The following FNIP2 variants were observed in gnomAD, a reference collection of about 807,000 sequenced individuals.
The protein encoded by FNIP2 is folliculin interacting protein 2.
In FNIP2, 32 loss-of-function variants were observed where a neutral mutation model predicts 108.7. The observed-to-expected ratio is 0.29, with a 90% CI of 0.22 to 0.40. FNIP2 has a LOEUF of 0.40. Among genes scored for constraint, FNIP2 ranks in the 10% least tolerant of loss-of-function variants. The pLI is 1.00. For synonymous variants in FNIP2, 480 were observed against 496.7 expected (o/e 0.97, Z 0.45); for missense variants, 1,202 against 1,381.6 (o/e 0.87, Z 2.06).
chr4:158,815,476 G>A lies in FNIP2; in HGVS notation c.108-10440G>A, dbSNP rs577846468. On this transcript the variant is annotated intron_variant, in intron 1 of 16. Transcript: ENST00000264433. Reference sequence around the variant, plus strand: ...CCGCTCACTGCAAGCTCCGCCTCTCGGGTTCACGCCGTTCTCCTGTCTCAG... The same window carrying A: ...CCGCTCACTGCAAGCTCCGCCTCTCAGGTTCACGCCGTTCTCCTGTCTCAG... Among the ~76,000 whole-genome samples, 7 of 150,234 alleles carry A rather than the reference G, an allele frequency of 4.7e-5. No individual in the cohort carries two copies. In the East Asian group the frequency reaches 1.4e-3, roughly 29 times the overall value.
At chr4:158,807,632 GA>G (rs1191963908) in intron 1 of FNIP2, among the ~76,000 whole-genome samples, 1 of 151,862 alleles carries the variant, frequency 6.6e-6, no homozygotes. Flanking sequence ...AAATAATCAG[GA>G]TATAGTTTTT....
intron 8 of FNIP2, among the ~76,000 whole-genome samples, chr4:158,853,651 T>G (rs1418457189): frequency 4.6e-5 from 7 of 152,348 alleles, no homozygotes; most frequent in Non-Finnish European, 8.8e-5. Flanking sequence ...CTTGCGATAG[T>G]TTGCTCAGAA....
At chr4:158,787,962 A>C (rs1776275636) in intron 1 of FNIP2, among the ~76,000 whole-genome samples, 1 of 152,110 alleles carries the variant, frequency 6.6e-6, no homozygotes, top group Non-Finnish European at 1.5e-5. Flanking sequence ...TTCCTCCTTT[A>C]ACCTGACTCA....
intron 11 of FNIP2, 26 bp downstream of exon 11, chr4:158,861,514 G>A: frequency 6.2e-7 from 1 of 1,613,766 alleles, no homozygotes; most frequent in Non-Finnish European, 8.5e-7. Context: ...CTGGAGACTT[G>A]TATGCAAATC....
chr4:158,836,837 A>G (rs1009633351), intron 7 of FNIP2, among the ~76,000 whole-genome samples: 29 of 148,974 alleles, frequency 1.9e-4, no homozygotes, highest in African/African-American at 5.8e-4. Flanking sequence ...AAAAAAAAAA[A>G]AGAGACTCAT....
chr4:158,896,851 T>A (rs115508360), intron 16 of FNIP2, among the ~76,000 whole-genome samples: 1,555 of 139,080 alleles, frequency 0.011, 23 homozygotes, highest in African/African-American at 0.037. Flanking sequence ...GTTTTTTTTT[T>A]ATTATTATTA....
At chr4:158,892,890 T>C (rs1347287753) in intron 15 of FNIP2, among the ~76,000 whole-genome samples, 1 of 152,232 alleles carries the variant, frequency 6.6e-6, no homozygotes, top group Non-Finnish European at 1.5e-5. Context: ...GCTAATGTAA[T>C]GGTCATTGTC....
intron 1 of FNIP2, among the ~76,000 whole-genome samples, chr4:158,778,673 C>T (rs546522223): frequency 3.0e-4 from 45 of 152,238 alleles, no homozygotes; most frequent in Middle Eastern, 3.4e-3. Context: ...ATAAATTAAA[C>T]TTTATCATAG....
chr4:158,785,679 AG>A (rs1776202389), intron 1 of FNIP2, among the ~76,000 whole-genome samples: 1 of 148,482 alleles, frequency 6.7e-6, no homozygotes, highest in Admixed American at 6.7e-5. Context: ...TTCCAGTTAC[AG>A]GGTTCTTTCT....
chr4:158,883,994 G>A (rs1422975656), intron 14 of FNIP2, among the ~76,000 whole-genome samples: 1 of 136,846 alleles, frequency 7.3e-6, no homozygotes, highest in Admixed American at 8.2e-5. Flanking sequence ...TATCTGTAGA[G>A]CAGTACTGTG....
At chr4:158,780,806 G>T (rs1776016792) in intron 1 of FNIP2, among the ~76,000 whole-genome samples, 1 of 152,206 alleles carries the variant, frequency 6.6e-6, no homozygotes, top group African/African-American at 2.4e-5. Flanking sequence ...GCTGAGGCAG[G>T]CAGATCATTT....
At chr4:158,789,321 A>ATG (rs59554947) in intron 1 of FNIP2, among the ~76,000 whole-genome samples, 65 of 150,968 alleles carry the variant, frequency 4.3e-4, no homozygotes, top group Admixed American at 3.2e-3. Context: ...GTGTGTGTGT[A>ATG]TGTGTGTGTG....
chr4:158,900,083 T>C (rs1348777670), intron 16 of FNIP2, among the ~76,000 whole-genome samples: 1 of 152,240 alleles, frequency 6.6e-6, no homozygotes, highest in Non-Finnish European at 1.5e-5. Context: ...CTTTTATTTC[T>C]GCCTTCATTT....
intron 1 of FNIP2, among the ~76,000 whole-genome samples, chr4:158,779,444 A>G (rs187606496): frequency 6.6e-6 from 1 of 152,324 alleles, no homozygotes; most frequent in African/African-American, 2.4e-5. Context: ...GGTATCTACA[A>G]GATGAATATA....
At chr4:158,813,593 AT>A (rs1171721167) in intron 1 of FNIP2, among the ~76,000 whole-genome samples, 1 of 152,076 alleles carries the variant, frequency 6.6e-6, no homozygotes. Context: ...TATCAGATAT[AT>A]TTTTTGGGAA....
Position 158,832,135 on chromosome 4 carries a change from A to G in FNIP2, c.551A>G (p.Asn184Ser). Residue 184 changes from asparagine to serine, a missense_variant, in exon 5 of 17, where the codon AAT becomes AGT. Physicochemically the swap from Asn to Ser is conservative, Grantham distance 46. Transcript: ENST00000264433. ...ARMGSFCGST[N>S]NLQDSFEYIN... ...ATGGGCAGCTTCTGTGGAAGTACAA[A>G]TAAGTAAGTGTAGGATTTTGCATTC... 1.2e-6 allele frequency: 2 copies of G among 1,612,990 alleles called. No homozygotes were observed. Among genetic ancestry groups the G allele is most frequent in the Non-Finnish European group, 1.7e-6 (2 of 1,179,070 alleles).
At chr4:158,891,954 T>G (rs1157294111) in intron 15 of FNIP2, among the ~76,000 whole-genome samples, 1 of 152,168 alleles carries the variant, frequency 6.6e-6, no homozygotes, top group Non-Finnish European at 1.5e-5. Context: ...GGAGAACTCA[T>G]GAGTTCTCCT....
At chr4:158,893,618 T>C (rs1305795761) in intron 15 of FNIP2, 6 of 1,225,562 alleles carry the variant, frequency 4.9e-6, no homozygotes, top group Non-Finnish European at 7.0e-6. Flanking sequence ...GAAGCACTTG[T>C]GGATTATTAT....
chr4:158,805,108 A>ATG (rs1419674180), intron 1 of FNIP2, among the ~76,000 whole-genome samples: 1 of 152,220 alleles, frequency 6.6e-6, no homozygotes, highest in Non-Finnish European at 1.5e-5. Context: ...ATTAAAAGTA[A>ATG]TGGCAAAAAC....
Sources: allele counts gnomAD v4.1 joint callset (sites outside exome capture counted in the v4.1 genomes callset), GRCh38; gene constraint gnomAD v4.1.1; transcripts MANE v1.5; gene names NCBI Gene and HGNC (gene_info 2026-07-23, HGNC 2026-07-21).